NALF1: variants seen among roughly 807,000 people sequenced by gnomAD.
NALF1 encodes NALCN channel auxiliary factor 1, also known as family with sequence similarity 155 member A.
A neutral mutation model predicts 48.4 loss-of-function variants in NALF1; 3 were observed. The observed-to-expected ratio is 0.06, with a 90% CI of 0.03 to 0.16. NALF1 has a LOEUF of 0.16. NALF1 is among the 10% of genes least tolerant of loss of function. The pLI is 1.00. For synonymous variants in NALF1, 262 were observed against 245.7 expected, an observed-to-expected ratio of 1.07 and a Z score of -0.62; for missense variants, 526 against 571.5, an observed-to-expected ratio of 0.92 and a Z score of 0.81.
chr13:107,360,028 A>G (rs1363484095), intron 1 of NALF1, among the ~76,000 whole-genome samples: 2 of 152,196 alleles, frequency 1.3e-5, no homozygotes, highest in African/African-American at 4.8e-5. Flanking sequence ...TTGCAAAGCC[A>G]TGAGAATTTG....
At chr13:107,627,330 T>C (rs1279480990) in intron 1 of NALF1, among the ~76,000 whole-genome samples, 23 of 152,150 alleles carry the variant, frequency 1.5e-4, no homozygotes, top group Admixed American at 7.2e-4. Flanking sequence ...TACTAATTTA[T>C]CAAACCCTGT....
At chr13:107,581,272 T>C (rs1008276515) in intron 1 of NALF1, among the ~76,000 whole-genome samples, 1 of 152,060 alleles carries the variant, frequency 6.6e-6, no homozygotes, top group African/African-American at 2.4e-5. Flanking sequence ...TGTTTTTGTG[T>C]AAACAAAAAA....
At chr13:107,311,087 C>T (rs908338605) in intron 1 of NALF1, among the ~76,000 whole-genome samples, 4 of 152,150 alleles carry the variant, frequency 2.6e-5, no homozygotes, top group African/African-American at 2.4e-5. Flanking sequence ...TCCTAAGTGA[C>T]GTTATAACAC....
intron 1 of NALF1, among the ~76,000 whole-genome samples, chr13:107,688,515 T>C (rs7320808): frequency 0.88 from 134,282 of 152,226 alleles, 59,667 homozygotes; most frequent in Middle Eastern, 0.95. Flanking sequence ...GTATAAAATG[T>C]GTCAGATGTG....
At chr13:107,763,943 C>A (rs865827038) in intron 1 of NALF1, among the ~76,000 whole-genome samples, 1 of 152,142 alleles carries the variant, frequency 6.6e-6, no homozygotes, top group Middle Eastern at 3.4e-3. Flanking sequence ...CATTATATAT[C>A]TAAATTGATT....
rs375638583 is a variant in NALF1 at position 107,486,485 on chromosome 13, C to T, written c.916-275730G>A. ...CCATGGCCCAAATCTCCCTCTTTTC[C>T]GGATCCCCACATCTCTGAGGCTACA... On this transcript the variant is annotated intron_variant, in intron 1 of 2. Transcript: ENST00000375915. 1.4e-3 allele frequency among the ~76,000 whole-genome samples: 206 copies of T among 152,120 alleles called. 2 individuals are homozygous for T. Among genetic ancestry groups the T allele is most frequent in the African/African-American group, 4.6e-3 (191 of 41,510 alleles).
chr13:107,479,803 C>T (rs1885227060), intron 1 of NALF1, among the ~76,000 whole-genome samples: 1 of 152,048 alleles, frequency 6.6e-6, no homozygotes, highest in South Asian at 2.1e-4. Context: ...TAGAAATTTG[C>T]CTGTATAACT....
rs200300881 is a variant in NALF1 at position 107,202,516 on chromosome 13, TTG to T, written c.1087+8066_1087+8067del. ...GTTCTTACCCTTTATACTAATTTATTTGTGTGTGTGTGTATTCATCCTAAGAA... is the reference window on the plus strand; with the variant it reads ...GTTCTTACCCTTTATACTAATTTATTTGTGTGTGTGTATTCATCCTAAGAA... On this transcript the variant is annotated intron_variant, in intron 2 of 2. Coordinates refer to ENST00000375915, the MANE Select transcript of NALF1 (RefSeq NM_001080396.3). Among the ~76,000 whole-genome samples, 25 of 151,896 alleles carry T rather than the reference TTG, an allele frequency of 1.6e-4. No homozygotes were observed. In the East Asian group the frequency reaches 4.3e-3, roughly 26 times the overall value.
intron 1 of NALF1, among the ~76,000 whole-genome samples, chr13:107,667,969 C>G (rs9555398): frequency 6.6e-6 from 1 of 151,800 alleles, no homozygotes; most frequent in East Asian, 1.9e-4. Flanking sequence ...ATCTGCATAC[C>G]CAATTTAATT....
At chr13:107,414,606 T>C (rs9301222) in intron 1 of NALF1, among the ~76,000 whole-genome samples, 30,907 of 151,622 alleles carry the variant, frequency 0.2, 3,589 homozygotes, top group Middle Eastern at 0.26. Context: ...TTAAATTACC[T>C]TGAGTTTTCT....
intron 1 of NALF1, among the ~76,000 whole-genome samples, chr13:107,634,775 A>AAGAC (rs1879929829): frequency 6.6e-6 from 1 of 152,126 alleles, no homozygotes; most frequent in Admixed American, 6.6e-5. Flanking sequence ...ATCAAGAAGG[A>AAGAC]AGACAGACAG....
rs528312547 is a variant in NALF1 at position 107,505,469 on chromosome 13, T to A, written c.916-294714A>T. ...AAGCTCAGAGACAACACTGCAGTGG[T>A]CCTGGTGAGAGCTGCTAGAGGCTGA... On this transcript the variant is annotated intron_variant, in intron 1 of 2. Coordinates refer to ENST00000375915, the MANE Select transcript of NALF1 (RefSeq NM_001080396.3). Among the ~76,000 whole-genome samples, 3 of 152,228 alleles carry A rather than the reference T, an allele frequency of 2.0e-5. No homozygotes were observed. In the East Asian group the frequency reaches 5.8e-4, roughly 29 times the overall value.
chr13:107,408,501 G>C (rs999155951), intron 1 of NALF1, among the ~76,000 whole-genome samples: 1 of 151,974 alleles, frequency 6.6e-6, no homozygotes, highest in African/African-American at 2.4e-5. Flanking sequence ...GAACTTCACT[G>C]TTAGGCTGTA....
intron 1 of NALF1, among the ~76,000 whole-genome samples, chr13:107,633,055 T>C (rs1339413662): frequency 6.6e-6 from 1 of 152,152 alleles, no homozygotes; most frequent in Non-Finnish European, 1.5e-5. Flanking sequence ...TCTGGTGATC[T>C]TAAATTCATG....
At chr13:107,544,384 C>G (rs202148691) in intron 1 of NALF1, among the ~76,000 whole-genome samples, 55 of 151,740 alleles carry the variant, frequency 3.6e-4, no homozygotes, top group African/African-American at 1.2e-3. Flanking sequence ...TCAAATGACT[C>G]AAGCCATAAT....
At chr13:107,403,563 T>G (rs977832398) in intron 1 of NALF1, among the ~76,000 whole-genome samples, 1 of 152,020 alleles carries the variant, frequency 6.6e-6, no homozygotes, top group African/African-American at 2.4e-5. Flanking sequence ...GTATGCATTT[T>G]TCATAGTTTA....
At chr13:107,782,995 C>T (rs111655934) in intron 1 of NALF1, among the ~76,000 whole-genome samples, 2 of 146,428 alleles carry the variant, frequency 1.4e-5, no homozygotes, top group African/African-American at 5.0e-5. Context: ...CCCGGCCAGC[C>T]GCCCCGTCCG....
chr13:107,619,906 T>C (rs1879477503), intron 1 of NALF1, among the ~76,000 whole-genome samples: 1 of 152,214 alleles, frequency 6.6e-6, no homozygotes, highest in Non-Finnish European at 1.5e-5. Flanking sequence ...ATAAAAATTT[T>C]AGAAACTTGA....
At chr13:107,787,323 G>GC (rs144990771) in intron 1 of NALF1, among the ~76,000 whole-genome samples, 3,667 of 152,136 alleles carry the variant, frequency 0.024, 117 homozygotes, top group African/African-American at 0.084. Context: ...TATGTTTACA[G>GC]CTGAAAATAT....
Sources: allele counts gnomAD v4.1 joint callset (sites outside exome capture counted in the v4.1 genomes callset), GRCh38; gene constraint gnomAD v4.1.1; transcripts MANE v1.5; gene names NCBI Gene and HGNC (gene_info 2026-07-23, HGNC 2026-07-21).